CEP128: variants seen among roughly 807,000 people sequenced by gnomAD.
CEP128 encodes the protein centrosomal protein 128.
In CEP128, 132 loss-of-function variants were observed where a neutral mutation model predicts 156.7. The ratio of observed to expected loss-of-function variants is 0.84; its 90% CI spans 0.73 to 0.97. The LOEUF (loss-of-function observed/expected upper bound fraction) is 0.97, where lower values mean the gene tolerates loss of function less well. Ranked by LOEUF, CEP128 falls within the 50% of genes least tolerant of loss-of-function variation. The pLI is 0.00. For synonymous variants in CEP128, 469 were observed against 448.9 expected (o/e 1.04, Z -0.57); for missense variants, 1,252 against 1,281.9 (o/e 0.98, Z 0.36).
intron 24 of CEP128, among the ~76,000 whole-genome samples, chr14:80,500,002 G>A (rs1887662819): frequency 6.6e-6 from 1 of 152,102 alleles, no homozygotes; most frequent in Non-Finnish European, 1.5e-5. Context: ...TTTAAATAAT[G>A]GATTTCTGTG....
intron 19 of CEP128, among the ~76,000 whole-genome samples, chr14:80,724,474 CTGG>C (rs1243987008): frequency 6.6e-6 from 1 of 152,026 alleles, no homozygotes; most frequent in Non-Finnish European, 1.5e-5. Flanking sequence ...CTCCTAATTA[CTGG>C]TGACAGGTTC....
intron 13 of CEP128, chr14:80,822,619 T>C: frequency 4.1e-6 from 3 of 726,084 alleles, no homozygotes; most frequent in South Asian, 2.7e-5. Flanking sequence ...CAGCTAAACC[T>C]GCTCCTCCAA....
At position 80,837,962 on chromosome 14, in the gene CEP128, T is replaced by C. The variant is rs73338189; in HGVS notation, c.924+242A>G. Among the ~76,000 whole-genome samples the C allele has an allele frequency of 9.0e-3, 1,365 of 152,310 alleles. 22 individuals carry two copies. Among genetic ancestry groups the C allele is most frequent in the African/African-American group, 0.03 (1,249 of 41,564 alleles). ...CATGCTAAGACAGATAAGTAGTAAG[T>C]TGTAGCAGCAATCAGCAAGATACAC... On this transcript the variant is annotated intron_variant, in intron 11 of 24. Transcript: ENST00000555265.
chr14:80,725,952 T>C (rs1223698836), intron 19 of CEP128, among the ~76,000 whole-genome samples: 7 of 152,220 alleles, frequency 4.6e-5, no homozygotes, highest in African/African-American at 4.8e-5. Flanking sequence ...TACATTCCTT[T>C]ACCTTGAATA....
At chr14:80,912,215 C>CAAA (rs77091923) in intron 4 of CEP128, among the ~76,000 whole-genome samples, 1 of 124,502 alleles carries the variant, frequency 8.0e-6, no homozygotes, top group Non-Finnish European at 1.7e-5. Context: ...GACTCCACCT[C>CAAA]AAAAAAAAAA....
At chr14:80,794,234 G>T (rs939634815) in intron 13 of CEP128, among the ~76,000 whole-genome samples, 1 of 152,198 alleles carries the variant, frequency 6.6e-6, no homozygotes, top group Non-Finnish European at 1.5e-5. Context: ...AACAGCAGAG[G>T]TTCCAGGTCC....
rs139523400 is a variant in CEP128, at chr14:80,576,054, C to G, written c.2856+4320G>C. Among the ~76,000 whole-genome samples the G allele has an allele frequency of 2.3e-3, 351 of 151,996 alleles. 1 individual carries two copies. Among genetic ancestry groups the G allele is most frequent in the African/African-American group, 8.2e-3 (338 of 41,440 alleles). ...CTTTCATAACTAAGCATGATACTAA[C>G]TCTCGGTGTGTGCTGTATTTTAGGA... is the stretch of plus-strand genomic sequence containing the variant. On this transcript the variant is annotated intron_variant, in intron 20 of 24. Coordinates refer to ENST00000555265, the MANE Select transcript of CEP128 (RefSeq NM_152446.5).
chr14:80,750,442 C>T (rs1035094906), intron 18 of CEP128, among the ~76,000 whole-genome samples: 2 of 152,124 alleles, frequency 1.3e-5, no homozygotes, highest in African/African-American at 2.4e-5. Flanking sequence ...CATAAAACTT[C>T]GATATTGTCT....
upstream of CEP128, among the ~76,000 whole-genome samples, chr14:80,943,361 T>C (rs1260336385): frequency 6.6e-6 from 1 of 152,194 alleles, no homozygotes; most frequent in East Asian, 1.9e-4. Context: ...AGAGAAACTT[T>C]CTGAAGAAGT....
At chr14:80,790,522 T>C (rs1005834354) in intron 14 of CEP128, among the ~76,000 whole-genome samples, 1 of 152,134 alleles carries the variant, frequency 6.6e-6, no homozygotes, top group Non-Finnish European at 1.5e-5. Context: ...AATTCCCTGA[T>C]GTAAATATCC....
intron 2 of CEP128, among the ~76,000 whole-genome samples, chr14:80,954,782 C>CT (rs1886566093): frequency 6.6e-6 from 1 of 152,206 alleles, no homozygotes; most frequent in Non-Finnish European, 1.5e-5. Context: ...GAGTATGCCA[C>CT]TTAAGTATTA....
intron 4 of CEP128, among the ~76,000 whole-genome samples, chr14:80,914,112 C>T (rs1321656279): frequency 1.3e-5 from 2 of 152,112 alleles, no homozygotes; most frequent in South Asian, 4.1e-4. Context: ...TGATGTAAAG[C>T]CTTCAAATTC....
At chr14:80,671,379 T>C (rs1236021228) in intron 19 of CEP128, among the ~76,000 whole-genome samples, 2 of 152,178 alleles carry the variant, frequency 1.3e-5, no homozygotes, top group Non-Finnish European at 2.9e-5. Context: ...ACTAGTGGTG[T>C]CAGACAATTT....
intron 2 of CEP128, among the ~76,000 whole-genome samples, chr14:80,932,993 T>A (rs1458549186): frequency 6.6e-6 from 1 of 152,134 alleles, no homozygotes; most frequent in Non-Finnish European, 1.5e-5. Flanking sequence ...CATTTCAGCA[T>A]CCTGTGTGAG....
intron 19 of CEP128, among the ~76,000 whole-genome samples, chr14:80,598,706 A>ACC (rs985144115): frequency 3.9e-5 from 6 of 152,230 alleles, no homozygotes; most frequent in Non-Finnish European, 8.8e-5. Flanking sequence ...AAATAAGTAT[A>ACC]CCCAATTTCT....
At position 80,654,843 on chromosome 14, in the gene CEP128, G is replaced by A. The variant is rs117932510; in HGVS notation, c.2807-74420C>T. On this transcript the variant is annotated intron_variant, in intron 19 of 24. Coordinates refer to ENST00000555265, the MANE Select transcript of CEP128 (RefSeq NM_152446.5). ...CTAATCTTCATCTAAATCTTCATGG[G>A]CTTTAACACGTCCTTTAGAGGCTAC... is the stretch of plus-strand genomic sequence containing the variant. Among the ~76,000 whole-genome samples the A allele has an allele frequency of 4.4e-3, 664 of 151,846 alleles. 18 individuals are homozygous for A. In the East Asian group the frequency reaches 0.088, roughly 20 times the overall value.
intron 19 of CEP128, among the ~76,000 whole-genome samples, chr14:80,721,160 C>T (rs1897803483): frequency 6.6e-6 from 1 of 151,908 alleles, no homozygotes; most frequent in South Asian, 2.1e-4. Context: ...TTGTAAGATC[C>T]CTTAAATAAT....
intron 13 of CEP128, among the ~76,000 whole-genome samples, chr14:80,821,109 T>C: frequency 6.6e-6 from 1 of 152,248 alleles, no homozygotes. Context: ...TAATTTGTAC[T>C]ATTTGAACAT....
chr14:80,611,767 A>C (rs1893002924), intron 19 of CEP128, among the ~76,000 whole-genome samples: 1 of 152,212 alleles, frequency 6.6e-6, no homozygotes, highest in Admixed American at 6.5e-5. Flanking sequence ...CTGTTCTTAA[A>C]AACTTAGATA....
Sources: allele counts gnomAD v4.1 joint callset (sites outside exome capture counted in the v4.1 genomes callset), GRCh38; gene constraint gnomAD v4.1.1; transcripts MANE v1.5; gene names NCBI Gene and HGNC (gene_info 2026-07-23, HGNC 2026-07-21).